LARP4B: variants seen among roughly 807,000 people sequenced by gnomAD.
LARP4B encodes the protein la-related protein 4B.
In LARP4B, 12 loss-of-function variants were observed where a neutral mutation model predicts 89.8. The observed-to-expected ratio is 0.13, with a 90% CI of 0.09 to 0.22. The LOEUF is 0.22. Among genes scored for constraint, LARP4B ranks in the 10% least tolerant of loss-of-function variants. LARP4B has a pLI of 1.00. For missense variants in LARP4B, 757 were observed against 947.7 expected (o/e 0.80, Z 2.64); for synonymous variants, 367 against 363.3 (o/e 1.01, Z -0.12).
intron 1 of LARP4B, chr10:903,350 G>A (rs183600698): frequency 8.5e-5 from 13 of 152,322 alleles, no homozygotes; most frequent in African/African-American, 2.2e-4. Flanking sequence ...TTACCTTTTG[G>A]ACAAAGAGCA....
intron 3 of LARP4B, among the ~76,000 whole-genome samples, chr10:871,504 A>G (rs1835196656): frequency 6.6e-6 from 1 of 152,104 alleles, no homozygotes; most frequent in Non-Finnish European, 1.5e-5. Context: ...CATGACCCTC[A>G]GCCTTCCAAA....
chr10:965,257 G>A, the LARP4B span, among the ~76,000 whole-genome samples: 4 of 152,358 alleles, frequency 2.6e-5, no homozygotes, highest in South Asian at 8.3e-4. Context: ...TCCCACGGTG[G>A]TGCTCAGCGG....
chr10:931,773 A>C (rs1830626266), upstream of LARP4B: 1 of 149,306 alleles, frequency 6.7e-6, no homozygotes, highest in African/African-American at 2.4e-5. Context: ...GAACTCGCGC[A>C]CTCACCCGCC....
chr10:914,612 T>C (rs1423857162), intron 1 of LARP4B, among the ~76,000 whole-genome samples: 2 of 151,568 alleles, frequency 1.3e-5, no homozygotes, highest in Non-Finnish European at 2.9e-5. Context: ...CTGACCAACA[T>C]GGTGAAACCC....
At chr10:978,068 G>A in the LARP4B span, among the ~76,000 whole-genome samples, 1 of 152,190 alleles carries the variant, frequency 6.6e-6, no homozygotes, top group Non-Finnish European at 1.5e-5. Context: ...CACACATTCA[G>A]GAGCCACCTC....
intron 1 of LARP4B, among the ~76,000 whole-genome samples, chr10:923,398 T>C (rs1214573820): frequency 6.6e-6 from 1 of 152,008 alleles, no homozygotes; most frequent in Non-Finnish European, 1.5e-5. Flanking sequence ...GCAAACGTGA[T>C]TTACTGACCC....
the LARP4B span, among the ~76,000 whole-genome samples, chr10:978,461 TC>T: frequency 6.6e-5 from 10 of 152,344 alleles, no homozygotes; most frequent in East Asian, 1.9e-3. Flanking sequence ...TTTTTTTGTT[TC>T]TTTTCACTTT....
chr10:947,463 C>A, the LARP4B span, among the ~76,000 whole-genome samples: 1 of 151,986 alleles, frequency 6.6e-6, no homozygotes, highest in Non-Finnish European at 1.5e-5. Flanking sequence ...CCAGAAAGGA[C>A]GAAAGAAGTG....
intron 3 of LARP4B, among the ~76,000 whole-genome samples, 184 bp downstream of exon 3, chr10:884,263 G>A (rs1369437114): frequency 6.6e-6 from 1 of 152,208 alleles, no homozygotes; most frequent in African/African-American, 2.4e-5. Flanking sequence ...AAGCTAGAAA[G>A]GACATACAGT....
At chr10:852,128 A>T (rs1834087390) in intron 5 of LARP4B, among the ~76,000 whole-genome samples, 1 of 152,216 alleles carries the variant, frequency 6.6e-6, no homozygotes. Context: ...ACTCCTGCCC[A>T]CATGACTTGT....
chr10:869,977 G>A (rs142421880), intron 3 of LARP4B: 20 of 625,574 alleles, frequency 3.2e-5, no homozygotes, highest in African/African-American at 1.6e-4. Context: ...CCAGCATACC[G>A]CAGCACAATA....
chr10:841,136 G>C (rs1033770840), intron 7 of LARP4B, among the ~76,000 whole-genome samples: 7 of 152,292 alleles, frequency 4.6e-5, no homozygotes, highest in African/African-American at 1.7e-4. Context: ...CTTGGCGACA[G>C]AGTGAGATTC....
At chr10:977,814 G>T in the LARP4B span, among the ~76,000 whole-genome samples, 1 of 152,094 alleles carries the variant, frequency 6.6e-6, no homozygotes, top group East Asian at 1.9e-4. Flanking sequence ...ACTGATTTGG[G>T]TGTCCACAGG....
At chr10:939,306 G>C in the LARP4B span, among the ~76,000 whole-genome samples, 2 of 152,216 alleles carry the variant, frequency 1.3e-5, no homozygotes, top group African/African-American at 4.8e-5. Context: ...GGAACCGCAA[G>C]GGTGAGGCCT....
rs754463356 is a variant in LARP4B, at chr10:864,113, C to T, written c.289+10G>A. ...CAGGGGGCTGCACACCACGGCCATG[C>T]TCAACTTACCCTGCGGGCCACGGTC... On this transcript the variant is annotated intron_variant, in intron 4 of 17. Transcript: ENST00000316157. The T allele has an allele frequency of 3.9e-5, 63 of 1,614,030 alleles. 1 individual carries two copies. The South Asian group carries it at 6.6e-4, about 17-fold the overall frequency.
chr10:911,568 T>G (rs1836666041), intron 1 of LARP4B, among the ~76,000 whole-genome samples: 1 of 152,190 alleles, frequency 6.6e-6, no homozygotes, highest in South Asian at 2.1e-4. Flanking sequence ...TTCTGTTTCC[T>G]TCCACACTTC....
rs1327299415 is a variant in LARP4B at position 854,199 on chromosome 10, T to C, written c.431-9144A>G. 3.3e-5 allele frequency among the ~76,000 whole-genome samples: 5 copies of C among 152,224 alleles called. No homozygotes were observed. The South Asian group carries it at 1.0e-3, about 31-fold the overall frequency. On this transcript the variant is annotated intron_variant, in intron 5 of 17. Coordinates refer to ENST00000316157, the MANE Select transcript of LARP4B (RefSeq NM_015155.3). Reference sequence around the variant, plus strand: ...CTGATTCCAGTTCTCTTCCTATTTCTACTACCTCTGCAGTGACTTTCTCCA... The same window carrying C: ...CTGATTCCAGTTCTCTTCCTATTTCCACTACCTCTGCAGTGACTTTCTCCA...
In LARP4B at chr10:866,612, A is replaced by T. The variant is rs145886248; in HGVS notation, c.142-2342T>A. 5.9e-3 allele frequency among the ~76,000 whole-genome samples: 898 copies of T among 152,280 alleles called. 7 individuals are homozygous for T. The highest frequency in any genetic ancestry group is 0.02 in the African/African-American group (840 of 41,548). ...CTTTCCCACTCTAATACTTCCATAC[A>T]TCACCTTTCCTAATTAGACCCAGTC... On this transcript the variant is annotated intron_variant, in intron 3 of 17. Coordinates refer to ENST00000316157, the MANE Select transcript of LARP4B (RefSeq NM_015155.3).
chr10:853,450 G>A (rs967240253), intron 5 of LARP4B, among the ~76,000 whole-genome samples: 2 of 152,198 alleles, frequency 1.3e-5, no homozygotes, highest in Non-Finnish European at 2.9e-5. Flanking sequence ...TTGGGAGGCC[G>A]AGGCAAGTGG....
Sources: gnomAD v4.1 joint callset for allele counts (sites outside exome capture counted in the v4.1 genomes callset) on GRCh38, gnomAD v4.1.1 for gene constraint, MANE v1.5 for transcripts, NCBI Gene and HGNC (gene_info 2026-07-23, HGNC 2026-07-21) for gene names.